Variants in NPAS3 observed in about 807,000 individuals in gnomAD.
NPAS3 encodes the protein neuronal PAS domain protein 3.
NPAS3 carries 14 observed loss-of-function variants against 73.1 expected under a neutral mutation model. The ratio of observed to expected loss-of-function variants is 0.19; its 90% confidence interval spans 0.13 to 0.30. NPAS3 has a LOEUF of 0.30. Ranked by LOEUF, NPAS3 falls within the 10% of genes least tolerant of loss-of-function variation. The pLI is 1.00. For synonymous variants in NPAS3, 620 were observed against 541.5 expected (o/e 1.14, Z -2.01); for missense variants, 1,096 against 1,250.0 (o/e 0.88, Z 1.86).
intron 3 of NPAS3, among the ~76,000 whole-genome samples, chr14:33,355,486 G>A (rs1055621286): frequency 6.6e-6 from 1 of 152,174 alleles, no homozygotes; most frequent in Non-Finnish European, 1.5e-5. Flanking sequence ...TTTTTGTAGA[G>A]ATAGGGTTTC....
At chr14:33,092,867 G>T (rs886502382) in intron 2 of NPAS3, among the ~76,000 whole-genome samples, 10 of 152,182 alleles carry the variant, frequency 6.6e-5, no homozygotes, top group African/African-American at 2.4e-4. Flanking sequence ...AACAAATGGG[G>T]AAAAGATTCC....
Position 33,347,829 on chromosome 14 carries a change from G to A in NPAS3, c.386-19357G>A, listed in dbSNP as rs573277400. 3.3e-5 allele frequency among the ~76,000 whole-genome samples: 5 copies of A among 151,828 alleles called. No individual in the cohort carries two copies. In the East Asian group the frequency reaches 5.8e-4, roughly 18 times the overall value. ...TACATTGTATTGCTCAGGGAACGATGACAAGGAAAAGTCTGTACATGTTTA... is the reference window on the plus strand; with the variant it reads ...TACATTGTATTGCTCAGGGAACGATAACAAGGAAAAGTCTGTACATGTTTA... On this transcript the variant is annotated intron_variant, in intron 3 of 11. Transcript: ENST00000356141.
At chr14:33,495,365 C>T (rs962594102) in intron 4 of NPAS3, among the ~76,000 whole-genome samples, 9 of 152,076 alleles carry the variant, frequency 5.9e-5, no homozygotes, top group East Asian at 1.9e-4. Context: ...CATTCATTTG[C>T]GTTTGCTGAA....
chr14:33,080,422 A>T (rs1262315872), intron 2 of NPAS3, among the ~76,000 whole-genome samples: 2 of 152,160 alleles, frequency 1.3e-5, no homozygotes, highest in Non-Finnish European at 2.9e-5. Context: ...TGATTTTTTT[A>T]GGGGAATAAA....
intron 4 of NPAS3, among the ~76,000 whole-genome samples, chr14:33,397,323 G>C (rs979315198): frequency 6.6e-6 from 1 of 152,254 alleles, no homozygotes; most frequent in African/African-American, 2.4e-5. Flanking sequence ...CTTTGAAACA[G>C]ACACTATCTC....
At chr14:33,603,369 A>G (rs1179263620) in intron 5 of NPAS3, among the ~76,000 whole-genome samples, 1 of 152,212 alleles carries the variant, frequency 6.6e-6, no homozygotes. Flanking sequence ...CAAGTAGCCT[A>G]ATATCCGTGT....
intron 4 of NPAS3, among the ~76,000 whole-genome samples, chr14:33,521,967 T>G (rs1481659675): frequency 1.3e-5 from 2 of 152,188 alleles, no homozygotes; most frequent in South Asian, 4.1e-4. Context: ...TAATTTGTAA[T>G]AAATCTAGCC....
intron 6 of NPAS3, among the ~76,000 whole-genome samples, chr14:33,684,460 C>T (rs2060031880): frequency 1.3e-5 from 2 of 151,972 alleles, no homozygotes; most frequent in Admixed American, 1.3e-4. Flanking sequence ...TCTAGGTGCA[C>T]ACCACCACAC....
chr14:33,571,163 G>A (rs370533077), intron 5 of NPAS3, among the ~76,000 whole-genome samples: 2 of 152,304 alleles, frequency 1.3e-5, no homozygotes, highest in South Asian at 4.1e-4. Context: ...GGAAAAGCAG[G>A]AGAAAGGGCT....
chr14:33,745,947 G>T (rs183200860), intron 7 of NPAS3, among the ~76,000 whole-genome samples: 2 of 152,148 alleles, frequency 1.3e-5, no homozygotes, highest in Non-Finnish European at 2.9e-5. Context: ...AAGAAATGAA[G>T]TAGGGAAAGG....
chr14:33,747,830 C>T (rs2061850447), intron 7 of NPAS3, among the ~76,000 whole-genome samples: 1 of 152,178 alleles, frequency 6.6e-6, no homozygotes, highest in Non-Finnish European at 1.5e-5. Flanking sequence ...ATATATTGTC[C>T]TGAGATATTC....
At chr14:33,280,962 C>T (rs1255470744) in intron 3 of NPAS3, among the ~76,000 whole-genome samples, 1 of 152,090 alleles carries the variant, frequency 6.6e-6, no homozygotes, top group Non-Finnish European at 1.5e-5. Context: ...AATGTAAAAC[C>T]ATTACTCCTT....
chr14:32,984,271 G>C lies in NPAS3; in HGVS notation c.50+44905G>C, dbSNP rs564036504. On this transcript the variant is annotated intron_variant, in intron 1 of 11. Transcript: ENST00000356141. ...TTGTATGGAGTTAGAAGCAGAGCAAGGGTTTTTTCTCCAGCTGTTCTTCAA... is the reference window on the plus strand; with the variant it reads ...TTGTATGGAGTTAGAAGCAGAGCAACGGTTTTTTCTCCAGCTGTTCTTCAA... Among the ~76,000 whole-genome samples the C allele has an allele frequency of 2.6e-5, 4 of 152,328 alleles. 1 individual carries two copies. In the South Asian group the frequency reaches 8.3e-4, roughly 32 times the overall value.
At chr14:33,381,792 A>G (rs2046566372) in intron 4 of NPAS3, among the ~76,000 whole-genome samples, 1 of 152,252 alleles carries the variant, frequency 6.6e-6, no homozygotes. Context: ...TGCCCTGAGC[A>G]GAAGACAACA....
intron 1 of NPAS3, among the ~76,000 whole-genome samples, chr14:33,046,609 G>A (rs937754964): frequency 3.9e-5 from 6 of 152,138 alleles, no homozygotes; most frequent in Admixed American, 3.9e-4. Context: ...AAGAATCAAG[G>A]GCCAGTTCTA....
intron 1 of NPAS3, among the ~76,000 whole-genome samples, chr14:33,004,837 A>G (rs116951555): frequency 3.2e-4 from 3 of 9,408 alleles, no homozygotes; most frequent in South Asian, 6.0e-3. Flanking sequence ...TTTTTTTTTT[A>G]GTTTTAAAAC....
At chr14:33,231,206 C>T (rs917951303) in intron 3 of NPAS3, among the ~76,000 whole-genome samples, 2 of 152,272 alleles carry the variant, frequency 1.3e-5, no homozygotes, top group South Asian at 2.1e-4. Context: ...ATAAAAATCA[C>T]AGTTTTTATA....
chr14:33,184,122 C>T (rs143101750), intron 2 of NPAS3, among the ~76,000 whole-genome samples: 97 of 152,264 alleles, frequency 6.4e-4, no homozygotes, highest in African/African-American at 2.2e-3. Flanking sequence ...TAGTCAGGAA[C>T]GAAGTCAAAC....
At chr14:33,464,536 A>C (rs763402818) in intron 4 of NPAS3, among the ~76,000 whole-genome samples, 14 of 152,118 alleles carry the variant, frequency 9.2e-5, no homozygotes, top group Non-Finnish European at 1.6e-4. Context: ...TTTTTGAGAG[A>C]TCGACCCCTC....
Sources: allele counts gnomAD v4.1 joint callset (sites outside exome capture counted in the v4.1 genomes callset), GRCh38; gene constraint gnomAD v4.1.1; transcripts MANE v1.5; gene names NCBI Gene and HGNC (gene_info 2026-07-23, HGNC 2026-07-21).